Variants in MYO3B observed in about 807,000 individuals in gnomAD.
MYO3B encodes myosin IIIB.
Under a neutral mutation model 174.6 loss-of-function variants are expected in MYO3B, and 156 were observed. The observed-to-expected ratio is 0.89, with a 90% CI of 0.78 to 1.02. The LOEUF (loss-of-function observed/expected upper bound fraction) is 1.02, where lower values mean the gene tolerates loss of function less well. MYO3B is among the 50% of genes least tolerant of loss of function. The probability of loss-of-function intolerance (pLI) is 0.00; values close to 1 mark genes in which losing one functional copy is unlikely to be tolerated. For missense variants in MYO3B, 1,632 were observed against 1,639.4 expected (o/e 1.00, Z 0.08); for synonymous variants, 563 against 569.1 (o/e 0.99, Z 0.15).
At chr2:170,216,729 T>A (rs1264912094) in intron 5 of MYO3B, among the ~76,000 whole-genome samples, 6 of 152,228 alleles carry the variant, frequency 3.9e-5, no homozygotes, top group South Asian at 2.1e-4. Flanking sequence ...TTACAGATAG[T>A]GCAGCCGATC....
chr2:170,587,524 T>C (rs1450668671), intron 32 of MYO3B, among the ~76,000 whole-genome samples: 1 of 152,232 alleles, frequency 6.6e-6, no homozygotes, highest in Non-Finnish European at 1.5e-5. Flanking sequence ...TATTCCACCA[T>C]AGCTATGATC....
chr2:170,451,830 C>T (rs1326503863), intron 23 of MYO3B, among the ~76,000 whole-genome samples: 1 of 152,178 alleles, frequency 6.6e-6, no homozygotes, highest in Non-Finnish European at 1.5e-5. Flanking sequence ...AATAAGCAGG[C>T]ACAGCTGGAA....
chr2:170,522,017 C>A (rs1688697981), intron 30 of MYO3B, among the ~76,000 whole-genome samples: 1 of 152,162 alleles, frequency 6.6e-6, no homozygotes. Context: ...TTGCCTTCTT[C>A]AGGTGCTTGC....
At chr2:170,516,107 T>C (rs1688290272) in intron 29 of MYO3B, among the ~76,000 whole-genome samples, 1 of 152,194 alleles carries the variant, frequency 6.6e-6, no homozygotes, top group African/African-American at 2.4e-5. Flanking sequence ...AGATGTGTTA[T>C]GCTTGGCCAC....
At chr2:170,329,259 G>T (rs112260476) in intron 7 of MYO3B, among the ~76,000 whole-genome samples, 1 of 149,148 alleles carries the variant, frequency 6.7e-6, no homozygotes, top group Non-Finnish European at 1.5e-5. Context: ...GTGTGTGTGT[G>T]TATATATATA....
At chr2:170,324,546 G>A (rs992548695) in intron 7 of MYO3B, among the ~76,000 whole-genome samples, 5 of 152,204 alleles carry the variant, frequency 3.3e-5, no homozygotes, top group Non-Finnish European at 7.4e-5. Flanking sequence ...CCTATTGCAA[G>A]CCCCAAATTG....
chr2:170,279,352 T>C (rs2093488222), intron 7 of MYO3B, among the ~76,000 whole-genome samples: 3 of 152,134 alleles, frequency 2.0e-5, no homozygotes, highest in Admixed American at 2.0e-4. Flanking sequence ...AGTGATCTCA[T>C]TGTGGTTTTG....
Position 170,383,316 on chromosome 2 carries a change from T to C in MYO3B, c.1185+127T>C, listed in dbSNP as rs78111425. 1.5e-3 allele frequency: 954 copies of C among 643,550 alleles called. 6 individuals carry two copies. Among genetic ancestry groups the C allele is most frequent in the African/African-American group, 0.013 (750 of 55,682 alleles). 39.9% of individuals were successfully genotyped at this position (643,550 alleles called of 1,614,324 possible). On this transcript the variant is annotated intron_variant, in intron 11 of 34. Transcript: ENST00000408978. ...AGATGTATATACTCCAAACTGCAGA[T>C]AGTAATGTAATACAAATGGAATTTT... is the stretch of plus-strand genomic sequence containing the variant.
chr2:170,565,334 A>G (rs567416767), intron 32 of MYO3B, among the ~76,000 whole-genome samples: 2 of 152,360 alleles, frequency 1.3e-5, no homozygotes, highest in South Asian at 2.1e-4. Context: ...TAAGCTATGC[A>G]TAATATTTTT....
chr2:170,364,505 G>A (rs545528191), intron 8 of MYO3B, among the ~76,000 whole-genome samples: 1 of 152,216 alleles, frequency 6.6e-6, no homozygotes, highest in African/African-American at 2.4e-5. Flanking sequence ...AACATTTTAT[G>A]CATCCTTTTG....
rs374723306 is a variant in MYO3B, at chr2:170,407,955, CT to C, written c.2650+114del. 5.3e-6 allele frequency: 7 copies of C among 1,318,598 alleles called. No individual in the cohort carries two copies. In the African/African-American group the frequency reaches 7.4e-5, roughly 14 times the overall value. The allele number at this position is 1,318,598 out of a possible 1,614,324, so 81.7% of individuals were successfully genotyped here. ...GGGCTGCACCGCTAACATTGAACTT[CT>C]TTAAGCAGGAGTAAGGGTCTAAATT... On this transcript the variant is annotated intron_variant, in intron 22 of 34. Coordinates refer to ENST00000408978, the MANE Select transcript of MYO3B (RefSeq NM_138995.5).
intron 6 of MYO3B, among the ~76,000 whole-genome samples, chr2:170,234,537 G>A (rs1337699242): frequency 6.6e-6 from 1 of 152,182 alleles, no homozygotes; most frequent in Non-Finnish European, 1.5e-5. Context: ...ATTTTGGGAG[G>A]CATGTTCAGA....
intron 9 of MYO3B, among the ~76,000 whole-genome samples, chr2:170,377,155 A>T: frequency 6.6e-6 from 1 of 152,240 alleles, no homozygotes. Context: ...CAAACAAAGA[A>T]GCTAGCAGGC....
At chr2:170,557,128 G>T (rs760145271) in intron 32 of MYO3B, among the ~76,000 whole-genome samples, 17 of 139,598 alleles carry the variant, frequency 1.2e-4, no homozygotes, top group Non-Finnish European at 2.3e-4. Context: ...ATGTCTGCAG[G>T]GTTTTTTATT....
intron 21 of MYO3B, 86 bp downstream of exon 21, chr2:170,405,719 C>A (rs2094505292): frequency 1.9e-6 from 2 of 1,048,852 alleles, no homozygotes; most frequent in Non-Finnish European, 2.8e-6. Flanking sequence ...CATGAAATTG[C>A]TTACAGATTT....
Position 170,503,587 on chromosome 2 carries a change from C to CT in MYO3B, c.3370+1730dup, listed in dbSNP as rs956813977. Among the ~76,000 whole-genome samples the CT allele has an allele frequency of 2.0e-5, 3 of 148,188 alleles. No individual in the cohort carries two copies. In the South Asian group the frequency reaches 6.6e-4, roughly 32 times the overall value. ...TTAGAAAACACATTAAGGTGCCTTC[C>CT]TTTTTTTTAGCCTTGCAAGCACCCA... On this transcript the variant is annotated intron_variant, in intron 28 of 34. Transcript: ENST00000408978.
rs565603943 is a variant in MYO3B, at chr2:170,257,779, C to A, written c.749+21643C>A. 1.1e-4 allele frequency among the ~76,000 whole-genome samples: 17 copies of A among 152,058 alleles called. No homozygotes were observed. In the East Asian group the frequency reaches 3.3e-3, roughly 29 times the overall value. The stretch of plus-strand genomic sequence containing the variant: ...TCCAAAATACAAAGGATCAATGAAA[C>A]CAAACGTTGGTTATTTGAAAAGATA... On this transcript the variant is annotated intron_variant, in intron 7 of 34. Transcript: ENST00000408978.
At chr2:170,438,892 A>C (rs1192190896) in intron 22 of MYO3B, among the ~76,000 whole-genome samples, 1 of 151,850 alleles carries the variant, frequency 6.6e-6, no homozygotes. Context: ...TTGGCCTCCC[A>C]AAGTGCTGGG....
At chr2:170,346,215 C>T (rs1460135344) in intron 8 of MYO3B, 1 of 152,204 alleles carries the variant, frequency 6.6e-6, no homozygotes, top group Non-Finnish European at 1.5e-5. Context: ...CAATCCTCAG[C>T]CCATGGTTCT....
Sources: gnomAD v4.1 joint callset for allele counts (sites outside exome capture counted in the v4.1 genomes callset) on GRCh38, gnomAD v4.1.1 for gene constraint, MANE v1.5 for transcripts, NCBI Gene and HGNC (gene_info 2026-07-23, HGNC 2026-07-21) for gene names.